The following NPAS3 variants were observed in gnomAD, a reference collection of about 807,000 sequenced individuals.
NPAS3 encodes neuronal PAS domain-containing protein 3.
Under a neutral mutation model 73.1 loss-of-function variants are expected in NPAS3, and 14 were observed. The observed-to-expected ratio is 0.19, with a 90% CI of 0.13 to 0.30. The LOEUF (loss-of-function observed/expected upper bound fraction) is 0.30. NPAS3 is among the 10% of genes least tolerant of loss of function. The pLI is 1.00. For synonymous variants in NPAS3, 620 were observed against 541.5 expected (o/e 1.14, Z -2.01); for missense variants, 1,096 against 1,250.0 (o/e 0.88, Z 1.86).
intron 3 of NPAS3, among the ~76,000 whole-genome samples, chr14:33,241,709 G>A (rs2048220078): frequency 6.6e-6 from 1 of 151,964 alleles, no homozygotes; most frequent in Admixed American, 6.6e-5. Flanking sequence ...TGCTTTGACA[G>A]TAAATTAAAA....
intron 5 of NPAS3, among the ~76,000 whole-genome samples, chr14:33,673,070 G>C (rs113634718): frequency 0.018 from 2,755 of 152,196 alleles, 81 homozygotes; most frequent in African/African-American, 0.06. Flanking sequence ...GCCTTCTTTT[G>C]GCCAAAGAGT....
intron 1 of NPAS3, among the ~76,000 whole-genome samples, chr14:33,024,671 T>C (rs2039738166): frequency 6.6e-6 from 1 of 152,214 alleles, no homozygotes; most frequent in Non-Finnish European, 1.5e-5. Context: ...ATTTGTATCT[T>C]AGTTGAAAAT....
chr14:33,086,189 T>C (rs958507754), intron 2 of NPAS3, among the ~76,000 whole-genome samples: 1 of 152,184 alleles, frequency 6.6e-6, no homozygotes, highest in African/African-American at 2.4e-5. Flanking sequence ...CTGCGTAAGT[T>C]AAAGAACATC....
intron 9 of NPAS3, among the ~76,000 whole-genome samples, chr14:33,782,146 T>C (rs905911512): frequency 6.6e-6 from 1 of 152,222 alleles, no homozygotes; most frequent in Non-Finnish European, 1.5e-5. Context: ...TTAAAACCAA[T>C]TTCACCAATT....
chr14:33,392,963 G>C (rs1189424077), intron 4 of NPAS3, among the ~76,000 whole-genome samples: 1 of 152,122 alleles, frequency 6.6e-6, no homozygotes, highest in Admixed American at 6.5e-5. Context: ...AATAATGTTT[G>C]CTGGGGTGAG....
intron 2 of NPAS3, among the ~76,000 whole-genome samples, chr14:33,163,473 T>C (rs925039063): frequency 1.0e-4 from 13 of 126,186 alleles, no homozygotes; most frequent in African/African-American, 3.8e-4. Flanking sequence ...TAAAATGCAG[T>C]ATTTCTTTCT....
intron 3 of NPAS3, among the ~76,000 whole-genome samples, chr14:33,240,692 G>A (rs1022959282): frequency 1.3e-5 from 2 of 151,666 alleles, no homozygotes; most frequent in Non-Finnish European, 3.0e-5. Flanking sequence ...TTTCATTATT[G>A]CCATTATTTT....
At chr14:33,703,827 G>A (rs1212551196) in intron 6 of NPAS3, among the ~76,000 whole-genome samples, 1 of 151,976 alleles carries the variant, frequency 6.6e-6, no homozygotes, top group African/African-American at 2.4e-5. Context: ...TCTCAAAAAG[G>A]CTAAATAACT....
chr14:33,282,802 A>G (rs1943035908), intron 3 of NPAS3, among the ~76,000 whole-genome samples: 1 of 152,200 alleles, frequency 6.6e-6, no homozygotes, highest in African/African-American at 2.4e-5. Context: ...ATTTCAGTCC[A>G]TCTGAATGGA....
intron 3 of NPAS3, among the ~76,000 whole-genome samples, chr14:33,346,651 C>T: frequency 6.6e-6 from 1 of 151,514 alleles, no homozygotes; most frequent in Non-Finnish European, 1.5e-5. Context: ...GTTTAGCTTT[C>T]AGTTTATAAA....
At chr14:33,416,795 T>C (rs933970943) in intron 4 of NPAS3, among the ~76,000 whole-genome samples, 67 of 152,174 alleles carry the variant, frequency 4.4e-4, no homozygotes, top group African/African-American at 1.5e-3. Context: ...CTACAACTTA[T>C]GCTTTCTACT....
chr14:32,998,524 T>C (rs1406454748), intron 1 of NPAS3, among the ~76,000 whole-genome samples: 2 of 152,236 alleles, frequency 1.3e-5, no homozygotes, highest in East Asian at 3.8e-4. Flanking sequence ...TGTTGTATCA[T>C]GTGAATTTCA....
At chr14:33,698,750 A>G (rs549109152) in intron 6 of NPAS3, among the ~76,000 whole-genome samples, 1 of 152,346 alleles carries the variant, frequency 6.6e-6, no homozygotes, top group East Asian at 1.9e-4. Flanking sequence ...CTTTGCACAA[A>G]GAATATTTAT....
intron 7 of NPAS3, among the ~76,000 whole-genome samples, chr14:33,755,592 C>T (rs572573014): frequency 2.2e-4 from 33 of 152,182 alleles, no homozygotes; most frequent in Non-Finnish European, 3.7e-4. Context: ...ACCGGGTGGG[C>T]GTGTGGGCCT....
At chr14:32,965,885 T>C (rs890148255) in intron 1 of NPAS3, among the ~76,000 whole-genome samples, 4 of 152,062 alleles carry the variant, frequency 2.6e-5, no homozygotes, top group African/African-American at 9.7e-5. Flanking sequence ...AAAATCAATA[T>C]ACAAAAAATT....
At chr14:33,563,099 A>C (rs1391014852) in intron 5 of NPAS3, among the ~76,000 whole-genome samples, 9 of 152,204 alleles carry the variant, frequency 5.9e-5, no homozygotes, top group Admixed American at 5.9e-4. Context: ...TTGTCCAGTG[A>C]AATTGTTCAG....
chr14:33,390,667 C>T (rs1189456079), intron 4 of NPAS3, among the ~76,000 whole-genome samples: 4 of 152,140 alleles, frequency 2.6e-5, no homozygotes, highest in African/African-American at 9.7e-5. Context: ...CATTTTCCTT[C>T]CTTTAATCTT....
chr14:33,101,165 A>G (rs2042566558), intron 2 of NPAS3, among the ~76,000 whole-genome samples: 1 of 152,146 alleles, frequency 6.6e-6, no homozygotes. Context: ...ACACTGACAT[A>G]CACCTCAGTA....
At chr14:33,055,756 C>T (rs1319915953) in intron 1 of NPAS3, 149 bp from the exon 2 acceptor site, 1 of 474,448 alleles carries the variant, frequency 2.1e-6, no homozygotes, top group South Asian at 4.4e-5. Context: ...AGTTAATGTT[C>T]TAAAATGTAT....
Sources: gnomAD v4.1 joint callset for allele counts (sites outside exome capture counted in the v4.1 genomes callset) on GRCh38, gnomAD v4.1.1 for gene constraint, MANE v1.5 for transcripts, NCBI Gene and HGNC (gene_info 2026-07-23, HGNC 2026-07-21) for gene names.